The following VTI1A variants were observed in gnomAD, a reference collection of about 807,000 sequenced individuals.
VTI1A encodes the protein vesicle transport through interaction with t-SNAREs 1A.
A neutral mutation model predicts 34.9 loss-of-function variants in VTI1A; 22 were observed. That is an observed-to-expected ratio of 0.63 (90% CI 0.45 to 0.90). VTI1A has a LOEUF of 0.90. Ranked by LOEUF, VTI1A falls within the 40% of genes least tolerant of loss-of-function variation. The probability of loss-of-function intolerance (pLI) is 0.00; values close to 1 mark genes in which losing one functional copy is unlikely to be tolerated. For synonymous variants in VTI1A, 87 were observed against 97.3 expected (o/e 0.89, Z 0.62); for missense variants, 268 against 275.6 (o/e 0.97, Z 0.20).
At chr10:112,467,694 G>T (rs74337041) in intron 3 of VTI1A, among the ~76,000 whole-genome samples, 14,420 of 152,252 alleles carry the variant, frequency 0.095, 757 homozygotes, top group East Asian at 0.12. Flanking sequence ...ATTGAATAGG[G>T]ATTTACAGTT....
chr10:112,500,849 G>A (rs555102895), intron 3 of VTI1A, among the ~76,000 whole-genome samples: 20 of 152,242 alleles, frequency 1.3e-4, no homozygotes, highest in African/African-American at 4.3e-4. Context: ...TTAGGCCTCA[G>A]TTATTTTATA....
At chr10:112,447,108 G>A (rs939784180), upstream of VTI1A, 2 of 489,422 alleles carry the variant, frequency 4.1e-6, no homozygotes, top group Non-Finnish European at 7.5e-6. Flanking sequence ...TTTCTGGGGG[G>A]AGGCACTAAT....
At chr10:112,644,103 C>T (rs1846684134) in intron 5 of VTI1A, among the ~76,000 whole-genome samples, 1 of 152,168 alleles carries the variant, frequency 6.6e-6, no homozygotes, top group Non-Finnish European at 1.5e-5. Flanking sequence ...GTATGTGCAT[C>T]ACCCTCTCTG....
At chr10:112,608,427 C>T (rs1335742386) in intron 5 of VTI1A, among the ~76,000 whole-genome samples, 1 of 152,106 alleles carries the variant, frequency 6.6e-6, no homozygotes, top group Non-Finnish European at 1.5e-5. Flanking sequence ...AAATGATACA[C>T]AAAGCCTATG....
intron 3 of VTI1A, among the ~76,000 whole-genome samples, chr10:112,512,268 A>G (rs1849639015): frequency 6.6e-6 from 1 of 152,056 alleles, no homozygotes; most frequent in African/African-American, 2.4e-5. Flanking sequence ...AGAATATTTC[A>G]TTGTGGTTTT....
At chr10:112,538,628 G>A (rs562276010) in intron 5 of VTI1A, 35 of 253,290 alleles carry the variant, frequency 1.4e-4, no homozygotes, top group African/African-American at 7.4e-4. Context: ...TTACCCACCC[G>A]CAATGATTGC....
chr10:112,818,973 T>A (rs1428859704), downstream of VTI1A, among the ~76,000 whole-genome samples: 1 of 152,102 alleles, frequency 6.6e-6, no homozygotes, highest in East Asian at 1.9e-4. Context: ...ATAGGTTATA[T>A]CTTATTCGAA....
At chr10:112,545,944 GTA>G (rs1202483143) in intron 5 of VTI1A, among the ~76,000 whole-genome samples, 1 of 150,912 alleles carries the variant, frequency 6.6e-6, no homozygotes, top group Non-Finnish European at 1.5e-5. Context: ...TATTTTGCAT[GTA>G]TATGTGTGTG....
intron 5 of VTI1A, among the ~76,000 whole-genome samples, chr10:112,633,558 C>A (rs909005417): frequency 2.1e-4 from 32 of 152,112 alleles, no homozygotes; most frequent in African/African-American, 7.2e-4. Context: ...CAGCAGGATA[C>A]CCAGGGATCC....
intron 5 of VTI1A, among the ~76,000 whole-genome samples, chr10:112,558,532 A>G (rs1851610785): frequency 6.6e-6 from 1 of 152,208 alleles, no homozygotes; most frequent in Non-Finnish European, 1.5e-5. Flanking sequence ...AATGAAGACT[A>G]TAGAGGTTTA....
chr10:112,819,401 G>T (rs540336921), downstream of VTI1A, among the ~76,000 whole-genome samples: 2 of 152,112 alleles, frequency 1.3e-5, no homozygotes, highest in Non-Finnish European at 2.9e-5. Flanking sequence ...AGGAACCACC[G>T]TGAGTCCCTG....
chr10:112,618,235 T>C (rs1316970638), intron 5 of VTI1A, among the ~76,000 whole-genome samples: 2 of 151,886 alleles, frequency 1.3e-5, no homozygotes, highest in African/African-American at 4.8e-5. Context: ...TCTCTGAGCC[T>C]GTTTCTCATC....
chr10:112,600,675 G>T (rs866262129), intron 5 of VTI1A, among the ~76,000 whole-genome samples: 7 of 152,024 alleles, frequency 4.6e-5, no homozygotes, highest in South Asian at 4.2e-4. Context: ...TTCTTCCCAC[G>T]AGAATGAAAA....
intron 7 of VTI1A, among the ~76,000 whole-genome samples, chr10:112,745,709 G>A (rs190135493): frequency 7.2e-4 from 109 of 152,326 alleles, no homozygotes; most frequent in Non-Finnish European, 1.2e-3. Context: ...AAAGTCAGTC[G>A]TCCTAACCAT....
At chr10:112,688,096 G>C (rs1361297820) in intron 7 of VTI1A, among the ~76,000 whole-genome samples, 1 of 151,618 alleles carries the variant, frequency 6.6e-6, no homozygotes, top group African/African-American at 2.4e-5. Context: ...TGGGATTACA[G>C]ATGTGCGCCA....
chr10:112,527,705 T>C (rs1326132209), intron 4 of VTI1A, among the ~76,000 whole-genome samples: 2 of 136,106 alleles, frequency 1.5e-5, no homozygotes, highest in Non-Finnish European at 3.0e-5. Context: ...CAAATAATAG[T>C]CATAATAATA....
chr10:112,515,395 A>G (rs535751124), intron 3 of VTI1A, among the ~76,000 whole-genome samples: 4 of 152,130 alleles, frequency 2.6e-5, no homozygotes, highest in South Asian at 4.1e-4. Context: ...TTAATTATCA[A>G]TTATCAATAT....
intron 5 of VTI1A, among the ~76,000 whole-genome samples, chr10:112,576,144 C>CT (rs1014044782): frequency 3.9e-5 from 6 of 152,002 alleles, no homozygotes; most frequent in Admixed American, 1.3e-4. Flanking sequence ...CCTCAGCCTC[C>CT]TGAGTAGCTG....
the VTI1A span, among the ~76,000 whole-genome samples, chr10:112,838,696 G>A: frequency 3.3e-5 from 5 of 152,284 alleles, no homozygotes; most frequent in South Asian, 2.1e-4. Flanking sequence ...GGGCAGGGGG[G>A]TGGCAGAGAA....
Sources: allele counts gnomAD v4.1 joint callset (sites outside exome capture counted in the v4.1 genomes callset), GRCh38; gene constraint gnomAD v4.1.1; transcripts MANE v1.5; gene names NCBI Gene and HGNC (gene_info 2026-07-23, HGNC 2026-07-21).